TBC1D16: variants seen among roughly 807,000 people sequenced by gnomAD.
TBC1D16 encodes CTD-2529O21.1.
Under a neutral mutation model 74.7 loss-of-function variants are expected in TBC1D16, and 58 were observed. The ratio of observed to expected loss-of-function variants is 0.78; its 90% confidence interval spans 0.63 to 0.97. The LOEUF (loss-of-function observed/expected upper bound fraction) is 0.97. TBC1D16 is among the 50% of genes least tolerant of loss of function. The pLI is 0.00. For missense variants in TBC1D16, 1,014 were observed against 1,079.5 expected, an observed-to-expected ratio of 0.94 and a Z score of 0.85; for synonymous variants, 493 against 474.7, an observed-to-expected ratio of 1.04 and a Z score of -0.50.
intron 1 of TBC1D16, among the ~76,000 whole-genome samples, chr17:80,014,353 T>C (rs1010544007): frequency 6.6e-6 from 1 of 150,938 alleles, no homozygotes; most frequent in African/African-American, 2.4e-5. Flanking sequence ...CGAGACTCTG[T>C]CTCAAAAAAA....
intron 1 of TBC1D16, among the ~76,000 whole-genome samples, chr17:80,016,010 CAAAAA>C (rs60327293): frequency 0.15 from 13,662 of 89,784 alleles, 762 homozygotes; most frequent in Middle Eastern, 0.22. Context: ...GACTCCATCT[CAAAAA>C]AAAAAAAAAA....
rs1023494663 is a variant in TBC1D16, at chr17:79,961,599, C to T, written c.780-8781G>A. ...AGAACTGGCCAGGCACAGTGGCTCACGCCTATAATCCCAGCACTTTGGGAG... is the reference window on the plus strand; with the variant it reads ...AGAACTGGCCAGGCACAGTGGCTCATGCCTATAATCCCAGCACTTTGGGAG... On this transcript the variant is annotated intron_variant, in intron 3 of 11. Coordinates refer to ENST00000310924, the MANE Select transcript of TBC1D16 (RefSeq NM_019020.4). This position sits in a 1 kb window ranked among gnomAD's most constrained non-coding sequence, Gnocchi z 4.8. 2.2e-4 allele frequency among the ~76,000 whole-genome samples: 33 copies of T among 152,362 alleles called. No homozygotes were observed. The highest frequency in any genetic ancestry group is 2.6e-4 in the Admixed American group (4 of 15,306).
Position 79,988,510 on chromosome 17 carries a change from G to A in TBC1D16, c.779+21650C>T, listed in dbSNP as rs542588313. ...CCCAATCATAAGACCATGGCTGAAA[G>A]TCAAACGCGCCCAGAGTCCACAGTC... On this transcript the variant is annotated intron_variant, in intron 3 of 11. Transcript: ENST00000310924. This position sits in a 1 kb window ranked among gnomAD's most constrained non-coding sequence, Gnocchi z 5.7. Among the ~76,000 whole-genome samples, 6 of 152,386 alleles carry A rather than the reference G, an allele frequency of 3.9e-5. No homozygotes were observed. The highest frequency in any genetic ancestry group is 8.8e-5 in the Non-Finnish European group (6 of 68,046).
chr17:80,030,422 T>C (rs2036735746), intron 1 of TBC1D16, among the ~76,000 whole-genome samples: 1 of 152,164 alleles, frequency 6.6e-6, no homozygotes, highest in South Asian at 2.1e-4. Flanking sequence ...TACAGGTTCA[T>C]GACCAGGACC....
At chr17:80,027,891 C>CAAAAAA (rs71163908) in intron 1 of TBC1D16, among the ~76,000 whole-genome samples, 17 of 66,808 alleles carry the variant, frequency 2.5e-4, no homozygotes, top group East Asian at 7.5e-4. Context: ...GACTCCAACT[C>CAAAAAA]AAAAAAAAAA....
rs183074988 is a variant in TBC1D16 at position 79,952,880 on chromosome 17, G to C, written c.780-62C>G. On this transcript the variant is annotated intron_variant, in intron 3 of 11. Coordinates refer to ENST00000310924, the MANE Select transcript of TBC1D16 (RefSeq NM_019020.4). ...TCCCTGCCCACACTACCCAGAGGGG[G>C]ACGGGGGTCATGGGGGAGTCATTTA... The C allele has an allele frequency of 2.0e-5, 31 of 1,545,680 alleles. No individual in the cohort carries two copies. In the African/African-American group the frequency reaches 3.9e-4, roughly 20 times the overall value.
At position 79,949,707 on chromosome 17, in the gene TBC1D16, C is replaced by T. The variant is rs373058991; in HGVS notation, c.1406+10G>A. The stretch of plus-strand genomic sequence containing the variant: ...TCGGCGGGGTGGGCCGGGCTGGCCC[C>T]GGCGGTTACCTTTTCTGCTGGATCT... On this transcript the variant is annotated intron_variant, in intron 7 of 11. Coordinates refer to ENST00000310924, the MANE Select transcript of TBC1D16 (RefSeq NM_019020.4). The T allele has an allele frequency of 3.7e-6, 6 of 1,602,660 alleles. No homozygotes were observed. The highest frequency in any genetic ancestry group is 1.7e-5 in the Admixed American group (1 of 59,420).
Position 79,936,035 on chromosome 17 carries a change from G to C in TBC1D16, c.*4824C>G, listed in dbSNP as rs1442867229. On this transcript the variant is annotated 3_prime_UTR_variant, in exon 12 of 12. Coordinates refer to ENST00000310924, the MANE Select transcript of TBC1D16 (RefSeq NM_019020.4). ...CTCTGCCCAGGGACACCCCTCTCCT[G>C]GTTCTAATGCTCAGACCCAGGAGGC... 6.6e-6 allele frequency: 1 copy of C among 152,184 alleles called. No homozygotes were observed. Among genetic ancestry groups the C allele is most frequent in the Admixed American group, 6.5e-5 (1 of 15,282 alleles). 9.4% of individuals were successfully genotyped at this position (152,184 alleles called of 1,614,324 possible).
At chr17:79,978,473 C>T (rs1356045755) in intron 3 of TBC1D16, among the ~76,000 whole-genome samples, 2 of 143,080 alleles carry the variant, frequency 1.4e-5, no homozygotes, top group South Asian at 2.6e-4. Context: ...GGGGCCGTGG[C>T]GGGCGGGCAA....
At chr17:79,992,084 A>G (rs886233198) in intron 3 of TBC1D16, 6 of 152,184 alleles carry the variant, frequency 3.9e-5, no homozygotes, top group African/African-American at 1.4e-4. Flanking sequence ...GCCTGCCGGG[A>G]AGCGCTTTCC....
intron 1 of TBC1D16, among the ~76,000 whole-genome samples, chr17:80,034,252 G>T (rs1240038959): frequency 2.1e-5 from 3 of 144,202 alleles, no homozygotes; most frequent in Non-Finnish European, 4.5e-5. Context: ...CCCGGGCTGG[G>T]GTGCAGTTGC....
At chr17:79,951,396 T>TG (rs2033038875) in intron 5 of TBC1D16, 54 bp downstream of exon 5, 19 of 1,577,690 alleles carry the variant, frequency 1.2e-5, no homozygotes, top group Non-Finnish European at 4.3e-6. Context: ...ATGGGGCCCG[T>TG]GGGGGGTGGG....
chr17:80,019,796 T>C (rs2036222972), intron 1 of TBC1D16, among the ~76,000 whole-genome samples: 2 of 149,830 alleles, frequency 1.3e-5, no homozygotes, highest in Non-Finnish European at 2.9e-5. Context: ...AATGAGTTAA[T>C]GAAAAACCCA....
chr17:79,953,596 C>G (rs184903784), intron 3 of TBC1D16, among the ~76,000 whole-genome samples: 20 of 152,302 alleles, frequency 1.3e-4, no homozygotes, highest in Non-Finnish European at 2.4e-4. Context: ...CTTTGTGGCC[C>G]ATGTTCTCAC....
At chr17:79,964,482 T>C (rs1396803054) in intron 3 of TBC1D16, among the ~76,000 whole-genome samples, 1 of 152,204 alleles carries the variant, frequency 6.6e-6, no homozygotes, top group Non-Finnish European at 1.5e-5. Flanking sequence ...ATTGGTGTCA[T>C]AGCCAAGAAA....
Position 79,983,673 on chromosome 17 carries a change from G to A in TBC1D16, c.779+26487C>T, listed in dbSNP as rs1425239249. On this transcript the variant is annotated intron_variant, in intron 3 of 11. Coordinates refer to ENST00000310924, the MANE Select transcript of TBC1D16 (RefSeq NM_019020.4). The surrounding 1 kb of genome is among the most constrained non-coding windows in gnomAD (Gnocchi z 5.6). ...AAGGAAGTGCCGCCCACGGCATTCCGGAAGGTGGTTCCTTCTGGAGACCGG... is the reference window on the plus strand; with the variant it reads ...AAGGAAGTGCCGCCCACGGCATTCCAGAAGGTGGTTCCTTCTGGAGACCGG... Among the ~76,000 whole-genome samples the A allele has an allele frequency of 2.0e-5, 3 of 152,186 alleles. No individual in the cohort carries two copies. The highest frequency in any genetic ancestry group is 4.4e-5 in the Non-Finnish European group (3 of 68,020).
At position 80,010,511 on chromosome 17, in the gene TBC1D16, A is replaced by G. The variant is rs898162770; in HGVS notation, c.428T>C (p.Val143Ala). The change falls in exon 3 of 12, where the codon GTG becomes GCG. Residue 143 changes from valine (V) to alanine (A), a missense_variant. Transcript: ENST00000310924. The surrounding 1 kb of genome is among the most constrained non-coding windows in gnomAD (Gnocchi z 8.8). ...GCGGTCTGGAACACTCTGGGCCACC[A>G]CCAGGATGTCCTCATCTTTGGGGGT... ...TLTPKDEDILVVAQSVPDRML... is the reference protein window; with the variant it reads ...TLTPKDEDILAVAQSVPDRML... 2 of 1,611,052 alleles carry G rather than the reference A, an allele frequency of 1.2e-6. No homozygotes were observed. Among genetic ancestry groups the G allele is most frequent in the African/African-American group, 2.7e-5 (2 of 74,982 alleles).
At position 79,961,732 on chromosome 17, in the gene TBC1D16, G is replaced by A. The variant is rs976218861; in HGVS notation, c.780-8914C>T. Among the ~76,000 whole-genome samples the A allele has an allele frequency of 7.9e-5, 12 of 152,014 alleles. No individual in the cohort carries two copies. Among genetic ancestry groups the A allele is most frequent in the Admixed American group, 1.3e-4 (2 of 15,256 alleles). On this transcript the variant is annotated intron_variant, in intron 3 of 11. Coordinates refer to ENST00000310924, the MANE Select transcript of TBC1D16 (RefSeq NM_019020.4). This position sits in a 1 kb window ranked among gnomAD's most constrained non-coding sequence, Gnocchi z 4.8. ...CAAAAAATCAGCCAGACGTGGTGGC[G>A]GGCGCCTATAATCCCAGCTACTCGG...
chr17:79,998,456 T>C (rs897431253), intron 3 of TBC1D16, among the ~76,000 whole-genome samples: 33 of 151,644 alleles, frequency 2.2e-4, no homozygotes, highest in Middle Eastern at 3.2e-3. Context: ...GCCCCCCAAG[T>C]AGCTGGGACT....
Sources: allele counts gnomAD v4.1 joint callset (sites outside exome capture counted in the v4.1 genomes callset), GRCh38; gene constraint gnomAD v4.1.1; non-coding constraint Gnocchi (gnomAD v3.1); transcripts MANE v1.5; gene names NCBI Gene and HGNC (gene_info 2026-07-23, HGNC 2026-07-21).